Variants in SEMA6D observed in about 807,000 individuals in gnomAD.
The protein encoded by SEMA6D is semaphorin-6D.
A neutral mutation model predicts 106.6 loss-of-function variants in SEMA6D; 35 were observed. That is an observed-to-expected ratio of 0.33 (90% CI 0.25 to 0.44). The LOEUF (loss-of-function observed/expected upper bound fraction) is 0.44, where lower values mean the gene tolerates loss of function less well. Ranked by LOEUF, SEMA6D falls within the 20% of genes least tolerant of loss-of-function variation. The pLI is 1.00. For synonymous variants in SEMA6D, 499 were observed against 487.7 expected (o/e 1.02, Z -0.31); for missense variants, 1,185 against 1,345.9 (o/e 0.88, Z 1.87).
intron 1 of SEMA6D, among the ~76,000 whole-genome samples, chr15:47,379,058 G>T (rs551034642): frequency 6.6e-6 from 1 of 152,294 alleles, no homozygotes; most frequent in Non-Finnish European, 1.5e-5. Context: ...TATAACTGCC[G>T]TAACCTGGAA....
At chr15:47,242,718 C>G (rs1262447926) in intron 1 of SEMA6D, among the ~76,000 whole-genome samples, 1 of 152,052 alleles carries the variant, frequency 6.6e-6, no homozygotes, top group African/African-American at 2.4e-5. Context: ...AAATATATTT[C>G]TTTTTAAATA....
chr15:47,218,477 G>A (rs752529568), intron 1 of SEMA6D, among the ~76,000 whole-genome samples: 21 of 152,112 alleles, frequency 1.4e-4, no homozygotes, highest in Non-Finnish European at 2.2e-4. Context: ...CACACATTAA[G>A]TTTTGGAACA....
chr15:47,318,302 A>G (rs2036772473), intron 1 of SEMA6D, among the ~76,000 whole-genome samples: 1 of 147,148 alleles, frequency 6.8e-6, no homozygotes, highest in Admixed American at 6.8e-5. Flanking sequence ...GTTTTAGGGT[A>G]CATGTGCACA....
intron 1 of SEMA6D, among the ~76,000 whole-genome samples, chr15:47,231,415 ATTAC>A (rs1219214773): frequency 2.0e-5 from 3 of 151,874 alleles, no homozygotes; most frequent in African/African-American, 7.2e-5. Context: ...GATCTCTGCT[ATTAC>A]TTGCTATTCT....
At chr15:47,685,345 G>A (rs1255039510) in intron 4 of SEMA6D, among the ~76,000 whole-genome samples, 1 of 152,196 alleles carries the variant, frequency 6.6e-6, no homozygotes, top group Non-Finnish European at 1.5e-5. Flanking sequence ...AGGAGGGAGA[G>A]AGAAGGGGGA....
intron 1 of SEMA6D, among the ~76,000 whole-genome samples, chr15:47,233,956 A>C (rs2032378355): frequency 1.3e-5 from 2 of 151,952 alleles, no homozygotes; most frequent in African/African-American, 4.8e-5. Context: ...TACAATGTTG[A>C]ATACACATGG....
intron 2 of SEMA6D, among the ~76,000 whole-genome samples, chr15:47,435,071 G>A (rs951172568): frequency 1.3e-5 from 2 of 152,036 alleles, no homozygotes; most frequent in South Asian, 4.2e-4. Context: ...TAACCATGTT[G>A]GAAACATCAC....
rs146450933 is a variant in SEMA6D at position 47,547,480 on chromosome 15, T to C, written c.-86-53385T>C. Among the ~76,000 whole-genome samples, 290 of 152,334 alleles carry C rather than the reference T, an allele frequency of 1.9e-3. 1 individual carries two copies. Among genetic ancestry groups the C allele is most frequent in the African/African-American group, 6.7e-3 (280 of 41,586 alleles). On this transcript the variant is annotated intron_variant, in intron 3 of 19. Coordinates refer to the SEMA6D transcript ENST00000558014. Reference sequence around the variant, plus strand: ...TATCTCAACTTTGGTTTTGCTTTCGTTTTTGTTTTAAACATCAAATATTCT... The same window carrying C: ...TATCTCAACTTTGGTTTTGCTTTCGCTTTTGTTTTAAACATCAAATATTCT...
intron 1 of SEMA6D, among the ~76,000 whole-genome samples, chr15:47,299,282 G>C (rs2035927542): frequency 6.6e-6 from 1 of 152,180 alleles, no homozygotes; most frequent in Admixed American, 6.5e-5. Context: ...AAACTAACCA[G>C]TTTGGGACAA....
At chr15:47,759,291 G>A (rs961591443) in intron 1 of SEMA6D, among the ~76,000 whole-genome samples, 1 of 152,094 alleles carries the variant, frequency 6.6e-6, no homozygotes, top group African/African-American at 2.4e-5. Flanking sequence ...ATTATGACAG[G>A]ATCATCAGCC....
At chr15:47,734,134 C>G (rs1456992761) in intron 1 of SEMA6D, among the ~76,000 whole-genome samples, 1 of 152,142 alleles carries the variant, frequency 6.6e-6, no homozygotes, top group Non-Finnish European at 1.5e-5. Flanking sequence ...ACAAAGTACT[C>G]ATAGTAACTT....
At chr15:47,472,962 G>A (rs2042896252) in intron 3 of SEMA6D, among the ~76,000 whole-genome samples, 1 of 152,210 alleles carries the variant, frequency 6.6e-6, no homozygotes, top group Non-Finnish European at 1.5e-5. Context: ...CAGTGCCAAT[G>A]TTTTGTGTAG....
chr15:47,402,968 A>G (rs2040446173), intron 1 of SEMA6D, among the ~76,000 whole-genome samples: 1 of 152,140 alleles, frequency 6.6e-6, no homozygotes, highest in South Asian at 2.1e-4. Context: ...CTCACTAGGG[A>G]GGGAAACATG....
At chr15:47,601,443 G>C (rs967005536) in intron 4 of SEMA6D, among the ~76,000 whole-genome samples, 1 of 152,074 alleles carries the variant, frequency 6.6e-6, no homozygotes, top group Non-Finnish European at 1.5e-5. Context: ...ACATAATAGG[G>C]ATCCTTTTTT....
chr15:47,359,822 A>T (rs914812078), intron 1 of SEMA6D: 1 of 152,174 alleles, frequency 6.6e-6, no homozygotes, highest in Non-Finnish European at 1.5e-5. Context: ...AGGAATACTA[A>T]AAATTTAGCA....
intron 1 of SEMA6D, among the ~76,000 whole-genome samples, chr15:47,398,660 G>GA (rs1445192147): frequency 1.3e-5 from 2 of 152,170 alleles, no homozygotes; most frequent in African/African-American, 2.4e-5. Flanking sequence ...TTTAAGCATA[G>GA]AAAAAAGGCA....
chr15:47,585,209 G>A (rs532665981), intron 3 of SEMA6D, among the ~76,000 whole-genome samples: 112 of 152,286 alleles, frequency 7.4e-4, no homozygotes, highest in African/African-American at 2.6e-3. Flanking sequence ...CTTACTTGAC[G>A]TTTAAGTGCA....
intron 1 of SEMA6D, among the ~76,000 whole-genome samples, chr15:47,276,470 C>G (rs1031734902): frequency 2.0e-5 from 3 of 151,992 alleles, no homozygotes; most frequent in African/African-American, 7.2e-5. Context: ...TTTGCCATTC[C>G]AAAAAATCCT....
At chr15:47,352,753 A>G (rs1288822656) in intron 1 of SEMA6D, among the ~76,000 whole-genome samples, 4 of 152,188 alleles carry the variant, frequency 2.6e-5, no homozygotes, top group Non-Finnish European at 4.4e-5. Flanking sequence ...TGAGGGTCGA[A>G]TTGAATAGTA....
Sources: allele counts gnomAD v4.1 joint callset (sites outside exome capture counted in the v4.1 genomes callset), GRCh38; gene constraint gnomAD v4.1.1; transcripts MANE v1.5; gene names NCBI Gene and HGNC (gene_info 2026-07-23, HGNC 2026-07-21).